Variants in HTR2B observed in about 807,000 individuals in gnomAD.
HTR2B encodes the protein 5-hydroxytryptamine receptor 2B, also known as 5-HT 2B receptor.
HTR2B carries 31 observed loss-of-function variants against 39.8 expected under a neutral mutation model. The ratio of observed to expected loss-of-function variants is 0.78; its 90% CI spans 0.58 to 1.05. The LOEUF is 1.05. HTR2B is among the 50% of genes least tolerant of loss of function. The pLI is 0.00. For synonymous variants in HTR2B, 210 were observed against 207.1 expected (o/e 1.01, Z -0.12); for missense variants, 562 against 578.0 (o/e 0.97, Z 0.28).
intron 2 of HTR2B, among the ~76,000 whole-genome samples, chr2:231,114,910 A>G (rs1695279771): frequency 6.6e-6 from 1 of 152,212 alleles, no homozygotes; most frequent in Non-Finnish European, 1.5e-5. Flanking sequence ...TATTTCCATT[A>G]GAATCCAGTT....
At chr2:231,113,349 G>A (rs1244381504) in intron 3 of HTR2B, among the ~76,000 whole-genome samples, 1 of 152,058 alleles carries the variant, frequency 6.6e-6, no homozygotes, top group Non-Finnish European at 1.5e-5. Flanking sequence ...GTGATTTAAG[G>A]TGCATTTCTT....
chr2:231,120,855 A>G (rs1296322429), intron 2 of HTR2B, among the ~76,000 whole-genome samples: 1 of 152,244 alleles, frequency 6.6e-6, no homozygotes. Context: ...TAACACTACA[A>G]TAAGAGTGTA....
chr2:231,121,634 G>A (rs140553414), intron 2 of HTR2B, among the ~76,000 whole-genome samples: 192 of 152,176 alleles, frequency 1.3e-3, no homozygotes, highest in Middle Eastern at 3.4e-3. Context: ...TTTGTTACCT[G>A]TTTTTGTATT....
At chr2:231,118,703 C>G (rs563458142) in intron 2 of HTR2B, among the ~76,000 whole-genome samples, 1 of 152,232 alleles carries the variant, frequency 6.6e-6, no homozygotes, top group African/African-American at 2.4e-5. Context: ...CTTTGGGCAG[C>G]TTTTTAGTTT....
intron 2 of HTR2B, among the ~76,000 whole-genome samples, chr2:231,118,649 G>A (rs1358371842): frequency 3.9e-5 from 6 of 152,060 alleles, no homozygotes; most frequent in East Asian, 1.9e-4. Flanking sequence ...TAGAAACCCC[G>A]TATCTTGATG....
rs748802285 is a variant in HTR2B at position 231,109,273 on chromosome 2, A to C, written c.690T>G (p.Leu230=). The part of the protein sequence containing the change: ...FGSLAAFFTP[L]AIMIVTYFLT... ...GAAAGTAGGTGACAATCATAATTGC[A>C]AGAGGTGTGAAGAAGGCAGCCAGTG... is the stretch of plus-strand genomic sequence containing the variant. Residue 230 remains leucine (L), a synonymous_variant, in exon 4 of 4, where the codon CTT becomes CTG. Transcript: ENST00000258400. The C allele has an allele frequency of 3.7e-6, 6 of 1,614,174 alleles. No individual in the cohort carries two copies. The highest frequency in any genetic ancestry group is 1.1e-5 in the South Asian group (1 of 91,086).
intron 2 of HTR2B, among the ~76,000 whole-genome samples, chr2:231,116,144 A>AT (rs1412769946): frequency 2.6e-5 from 4 of 152,124 alleles, no homozygotes; most frequent in Non-Finnish European, 5.9e-5. Context: ...TAGCATTCAG[A>AT]TTTTTTGTCA....
rs577406334 is a variant in HTR2B at position 231,123,935 on chromosome 2, A to G, written c.-171T>C. The G allele has an allele frequency of 4.5e-6, 3 of 659,614 alleles. No individual in the cohort carries two copies. The highest frequency in any genetic ancestry group is 8.2e-6 in the Non-Finnish European group (3 of 364,250). The allele number at this position is 659,614 out of a possible 1,614,324, so 40.9% of individuals were successfully genotyped here. ...CAAGTTCTCTAAAATGAGCGCATAC[A>G]CACATCTGTCCATGTTTGTAGGTAA... On this transcript the variant is annotated 5_prime_UTR_variant, in exon 2 of 4. Transcript: ENST00000258400.
At chr2:231,120,682 A>G (rs1198560135) in intron 2 of HTR2B, among the ~76,000 whole-genome samples, 1 of 152,214 alleles carries the variant, frequency 6.6e-6, no homozygotes, top group Non-Finnish European at 1.5e-5. Context: ...TACTGCTCTT[A>G]TTTTTAAAAT....
intron 2 of HTR2B, among the ~76,000 whole-genome samples, chr2:231,122,831 A>C (rs917875477): frequency 1.3e-5 from 2 of 152,148 alleles, no homozygotes; most frequent in Non-Finnish European, 2.9e-5. Flanking sequence ...GGACACTCTG[A>C]GCCAAACCAT....
At chr2:231,114,462 G>A (rs1381056701) in intron 2 of HTR2B, among the ~76,000 whole-genome samples, 4 of 152,206 alleles carry the variant, frequency 2.6e-5, no homozygotes, top group African/African-American at 7.2e-5. Flanking sequence ...TGGTGAAATA[G>A]TGGAGTGATT....
intron 2 of HTR2B, among the ~76,000 whole-genome samples, chr2:231,121,273 A>G (rs1695531778): frequency 6.6e-6 from 1 of 152,202 alleles, no homozygotes; most frequent in Non-Finnish European, 1.5e-5. Context: ...TGTGCCTGTA[A>G]TCCTAGCTAC....
intron 3 of HTR2B, among the ~76,000 whole-genome samples, chr2:231,109,819 G>A (rs982798588): frequency 6.6e-6 from 1 of 152,148 alleles, no homozygotes; most frequent in African/African-American, 2.4e-5. Context: ...GCACTTCAGA[G>A]TACATTTATT....
intron 2 of HTR2B, among the ~76,000 whole-genome samples, chr2:231,122,189 C>T (rs1224833670): frequency 6.6e-6 from 1 of 152,088 alleles, no homozygotes; most frequent in East Asian, 1.9e-4. Context: ...GAACTTTACT[C>T]ATTACTGCTT....
chr2:231,121,389 T>G (rs1286427472), intron 2 of HTR2B, among the ~76,000 whole-genome samples: 1 of 152,060 alleles, frequency 6.6e-6, no homozygotes, highest in Non-Finnish European at 1.5e-5. Flanking sequence ...AAAAATAAAT[T>G]TAAAGTTAAT....
Position 231,109,096 on chromosome 2 carries a change from C to T in HTR2B, c.867G>A (p.Lys289=). ...EKVAMLDGSR[K]DKALPNSGDE... The stretch of plus-strand genomic sequence containing the variant: ...CACCTGAGTTGGGCAGAGCCTTGTC[C>T]TTTCGAGAACCATCCAGCATTGCCA... Residue 289 remains lysine (K), a synonymous_variant, in exon 4 of 4, where the codon AAG becomes AAA. Transcript: ENST00000258400. 1.9e-6 allele frequency: 3 copies of T among 1,614,162 alleles called. No individual in the cohort carries two copies. The highest frequency in any genetic ancestry group is 2.5e-6 in the Non-Finnish European group (3 of 1,180,004).
intron 3 of HTR2B, among the ~76,000 whole-genome samples, chr2:231,112,544 G>A (rs1695186886): frequency 6.6e-6 from 1 of 152,128 alleles, no homozygotes; most frequent in African/African-American, 2.4e-5. Flanking sequence ...TGCTGTTTTT[G>A]CCCCAGTGCC....
chr2:231,124,732 A>AT (rs1695676441), intron 1 of HTR2B, among the ~76,000 whole-genome samples: 1 of 152,016 alleles, frequency 6.6e-6, no homozygotes, highest in African/African-American at 2.4e-5. Flanking sequence ...AGTAGTGTTT[A>AT]TTTTTTTAAC....
intron 2 of HTR2B, among the ~76,000 whole-genome samples, chr2:231,122,995 G>A (rs1695598118): frequency 6.6e-6 from 1 of 152,144 alleles, no homozygotes; most frequent in East Asian, 1.9e-4. Context: ...TTGGGATTTA[G>A]TAATTCAAAG....
Sources: allele counts gnomAD v4.1 joint callset (sites outside exome capture counted in the v4.1 genomes callset), GRCh38; gene constraint gnomAD v4.1.1; transcripts MANE v1.5; gene names NCBI Gene and HGNC (gene_info 2026-07-23, HGNC 2026-07-21).